The following APPL1 variants were observed in gnomAD, a reference collection of about 807,000 sequenced individuals.
APPL1 encodes DCC-interacting protein 13-alpha.
Under a neutral mutation model 106.8 loss-of-function variants are expected in APPL1, and 42 were observed. The observed-to-expected ratio is 0.39, with a 90% confidence interval of 0.31 to 0.51. APPL1 has a LOEUF of 0.51. APPL1 is among the 20% of genes least tolerant of loss of function. The probability of loss-of-function intolerance (pLI) is 0.75; values close to 1 mark genes in which losing one functional copy is unlikely to be tolerated. For missense variants in APPL1, 769 were observed against 858.2 expected, an observed-to-expected ratio of 0.90 and a Z score of 1.30; for synonymous variants, 263 against 281.8, an observed-to-expected ratio of 0.93 and a Z score of 0.67.
chr3:57,239,504 T>C (rs867470544), intron 4 of APPL1, among the ~76,000 whole-genome samples: 1 of 152,376 alleles, frequency 6.6e-6, no homozygotes, highest in South Asian at 2.1e-4. Context: ...GTTATGGATA[T>C]ACCAAGTTTT....
chr3:57,261,923 A>AATAG, intron 19 of APPL1, among the ~76,000 whole-genome samples: 1 of 152,200 alleles, frequency 6.6e-6, no homozygotes, highest in East Asian at 1.9e-4. Flanking sequence ...GCATTTCACC[A>AATAG]ACATCTGCTA....
chr3:57,268,049 C>T, intron 20 of APPL1: 1 of 532,692 alleles, frequency 1.9e-6, no homozygotes, highest in Non-Finnish European at 3.3e-6. Flanking sequence ...GCCGAGATCA[C>T]ACCACTGCAC....
In APPL1 at chr3:57,228,694, TATGTTTTCAGTACTGCAGA is replaced by T. The variant is rs2060667512; in HGVS notation, c.54+761_54+779del. On this transcript the variant is annotated intron_variant, in intron 1 of 21. Transcript: ENST00000288266. The surrounding 1 kb of genome is among the most constrained non-coding windows in gnomAD (Gnocchi z 4.6). Reference sequence around the variant, plus strand: ...AGTTTTGGAAAATGTAACCATTTAATATGTTTTCAGTACTGCAGAATGAAAGCAGCTATATTTTTTAAAA... The same window carrying T: ...AGTTTTGGAAAATGTAACCATTTAATATGAAAGCAGCTATATTTTTTAAAA... 1.3e-5 allele frequency among the ~76,000 whole-genome samples: 2 copies of T among 152,374 alleles called. No homozygotes were observed. The highest frequency in any genetic ancestry group is 4.8e-5 in the African/African-American group (2 of 41,592).
chr3:57,268,502 T>C lies in APPL1; in HGVS notation c.1983+15T>C. On this transcript the variant is annotated intron_variant, in intron 21 of 21. Coordinates refer to ENST00000288266, the MANE Select transcript of APPL1 (RefSeq NM_012096.3). ...AGATTGAAAAGGTATACAGTCCTAA[T>C]GTCTGGATCTTTATGTGTTGTTTGT... is the stretch of plus-strand genomic sequence containing the variant. 1.3e-6 allele frequency: 2 copies of C among 1,569,982 alleles called. No individual in the cohort carries two copies. Among genetic ancestry groups the C allele is most frequent in the South Asian group, 1.2e-5 (1 of 83,390 alleles).
Position 57,237,523 on chromosome 3 carries a change from C to A in APPL1, c.185C>A (p.Ser62Ter). Reference sequence around the variant, plus strand: ...TTAAGTGCAGCAACACACCTGACCTCAAAACTTTTAAAAGAATATGAAAAA... The same window carrying A: ...TTAAGTGCAGCAACACACCTGACCTAAAAACTTTTAAAAGAATATGAAAAA... ...NELSAATHLT[S>*]KLLKEYEKQR... Residue 62 changes from serine (S) to a stop codon, truncating the protein, a stop_gained, in exon 3 of 22, where the codon TCA becomes TAA. Coordinates refer to ENST00000288266, the MANE Select transcript of APPL1 (RefSeq NM_012096.3). LOFTEE classifies it high-confidence loss of function. 1 of 1,602,054 alleles carries A rather than the reference C, an allele frequency of 6.2e-7. No individual in the cohort carries two copies. The highest frequency in any genetic ancestry group is 1.1e-5 in the South Asian group (1 of 87,780).
chr3:57,231,083 T>A lies in APPL1; in HGVS notation c.54+3146T>A, dbSNP rs1391032438. Among the ~76,000 whole-genome samples the A allele has an allele frequency of 2.6e-5, 4 of 151,956 alleles. No individual in the cohort carries two copies. The South Asian group carries it at 8.3e-4, about 32-fold the overall frequency. On this transcript the variant is annotated intron_variant, in intron 1 of 21. Coordinates refer to ENST00000288266, the MANE Select transcript of APPL1 (RefSeq NM_012096.3). ...GACTGGGCGTGGTGGCTCATGCCTG[T>A]AATCTCAGCACTTTGGGAGGACGAG...
chr3:57,243,865 T>C (rs1208822051), intron 7 of APPL1, among the ~76,000 whole-genome samples: 1 of 152,210 alleles, frequency 6.6e-6, no homozygotes, highest in Non-Finnish European at 1.5e-5. Context: ...AACTTCATTT[T>C]ATTTAAAAAT....
rs774573236 is a variant in APPL1, at chr3:57,240,604, G to A, written c.373+52G>A. On this transcript the variant is annotated intron_variant, in intron 5 of 21. Coordinates refer to ENST00000288266, the MANE Select transcript of APPL1 (RefSeq NM_012096.3). ...TTCATTGGCTGTGAGATCAACACTT[G>A]TAAAATGCATATTACTCTGTACTTA... The A allele has an allele frequency of 2.6e-5, 38 of 1,450,128 alleles. No individual in the cohort carries two copies. In the South Asian group the frequency reaches 4.3e-4, roughly 17 times the overall value. 89.8% of individuals were successfully genotyped at this position (1,450,128 alleles called of 1,614,324 possible). A position where few individuals can be genotyped will look rare whatever the true frequency, so the allele number is the denominator to read the frequency against.
At chr3:57,258,883 T>G in intron 15 of APPL1, 145 bp from the exon 16 acceptor site, 11 of 571,428 alleles carry the variant, frequency 1.9e-5, no homozygotes, top group South Asian at 1.8e-4. Context: ...CATAGTAATT[T>G]AGTGATCAAT....
Position 57,235,680 on chromosome 3 carries a change from C to A in APPL1, c.153+16C>A. ...TGATGCACAGGTAAAACACTAAGGACTAACTTGATGCTTTTAAAACACGAA... is the reference window on the plus strand; with the variant it reads ...TGATGCACAGGTAAAACACTAAGGAATAACTTGATGCTTTTAAAACACGAA... On this transcript the variant is annotated intron_variant, in intron 2 of 21. Transcript: ENST00000288266. The A allele has an allele frequency of 3.8e-6, 6 of 1,575,188 alleles. No homozygotes were observed. Among genetic ancestry groups the A allele is most frequent in the Non-Finnish European group, 5.2e-6 (6 of 1,147,078 alleles).
At chr3:57,239,179 G>A (rs1474658092) in intron 4 of APPL1, among the ~76,000 whole-genome samples, 1 of 152,172 alleles carries the variant, frequency 6.6e-6, no homozygotes, top group Non-Finnish European at 1.5e-5. Flanking sequence ...CTGCCCCCAT[G>A]ATTCAGTTAT....
chr3:57,269,534 C>T lies in APPL1; in HGVS notation c.1984-7C>T. ...TAACTTAGTTTCTTTTTTGTCTTTT[C>T]CACTAGGACTTGGAAGAACAAAGTC... On this transcript the variant is annotated splice_region_variant and splice_polypyrimidine_tract_variant and intron_variant, in intron 21 of 21. Transcript: ENST00000288266. 4 of 1,609,092 alleles carry T rather than the reference C, an allele frequency of 2.5e-6. No individual in the cohort carries two copies. Among genetic ancestry groups the T allele is most frequent in the Admixed American group, 3.4e-5 (2 of 58,966 alleles).
At position 57,228,081 on chromosome 3, in the gene APPL1, C is replaced by G; in HGVS notation, c.54+144C>G. 1 of 685,426 alleles carries G rather than the reference C, an allele frequency of 1.5e-6. No homozygotes were observed. Among genetic ancestry groups the G allele is most frequent in the East Asian group, 4.0e-5 (1 of 24,904 alleles). The allele number at this position is 685,426 out of a possible 1,614,324, so 42.5% of individuals were successfully genotyped here. A position where few individuals can be genotyped will look rare whatever the true frequency, so the allele number is the denominator to read the frequency against. The stretch of plus-strand genomic sequence containing the variant: ...AGGTCACCGCCCGTCGCAGGCCGCG[C>G]CCGGAGTTGTGGAGGCTGGGCCCGC... On this transcript the variant is annotated intron_variant, in intron 1 of 21. Coordinates refer to ENST00000288266, the MANE Select transcript of APPL1 (RefSeq NM_012096.3). The surrounding 1 kb of genome is among the most constrained non-coding windows in gnomAD (Gnocchi z 4.6).
chr3:57,229,526 A>G (rs2060674527), intron 1 of APPL1, among the ~76,000 whole-genome samples: 1 of 150,066 alleles, frequency 6.7e-6, no homozygotes, highest in Non-Finnish European at 1.5e-5. Flanking sequence ...GTTTTACAAT[A>G]TATTTGTTTG....
In APPL1 at chr3:57,238,099, T is replaced by G; in HGVS notation, c.268T>G (p.Ser90Ala). The G allele has an allele frequency of 6.2e-7, 1 of 1,610,978 alleles. No homozygotes were observed. Among genetic ancestry groups the G allele is most frequent in the Non-Finnish European group, 8.5e-7 (1 of 1,178,812 alleles). ...EVMSSTLQQF[S>A]KVIDELSSCH... ...TATGAGCTCTACATTGCAACAGTTTTCAAAAGTTATAGATGAGGTAAACGT... is the reference window on the plus strand; with the variant it reads ...TATGAGCTCTACATTGCAACAGTTTGCAAAAGTTATAGATGAGGTAAACGT... Residue 90 changes from serine to alanine, a missense_variant, in exon 4 of 22, where the codon TCA becomes GCA. Physicochemically the swap from Ser to Ala is moderately conservative, Grantham distance 99 (BLOSUM62 1). Coordinates refer to ENST00000288266, the MANE Select transcript of APPL1 (RefSeq NM_012096.3).
intron 1 of APPL1, among the ~76,000 whole-genome samples, chr3:57,229,622 G>A (rs972810427): frequency 6.6e-6 from 1 of 151,018 alleles, no homozygotes; most frequent in African/African-American, 2.4e-5. Flanking sequence ...CTGTGTCCTG[G>A]AACACCTATG....
At chr3:57,246,364 GTCA>G in intron 8 of APPL1, 142 bp downstream of exon 8, 1 of 565,550 alleles carries the variant, frequency 1.8e-6, no homozygotes, top group Non-Finnish European at 2.7e-6. Flanking sequence ...TTTTTAAAAT[GTCA>G]TCAGACTATT....
rs1414008602 is a variant in APPL1, at chr3:57,272,377, C to T, written c.*2690C>T. 1 of 152,086 alleles carries T rather than the reference C, an allele frequency of 6.6e-6. No homozygotes were observed. Among genetic ancestry groups the T allele is most frequent in the East Asian group, 1.9e-4 (1 of 5,186 alleles). The allele number at this position is 152,086 out of a possible 1,614,324, so 9.4% of individuals were successfully genotyped here. ...GATTATTGTTTAATTTCAAAAGAAT[C>T]CTCAGGCTCTACAATCTAGGGGTGG... On this transcript the variant is annotated 3_prime_UTR_variant, in exon 22 of 22. Transcript: ENST00000288266.
At position 57,272,156 on chromosome 3, in the gene APPL1, A is replaced by G. The variant is rs983092426; in HGVS notation, c.*2469A>G. On this transcript the variant is annotated 3_prime_UTR_variant, in exon 22 of 22. Coordinates refer to ENST00000288266, the MANE Select transcript of APPL1 (RefSeq NM_012096.3). ...CTCCTTTTTAAAAAGAAAAGATATTAAGCCTGCCTACTTCTACAATGCATT... is the reference window on the plus strand; with the variant it reads ...CTCCTTTTTAAAAAGAAAAGATATTGAGCCTGCCTACTTCTACAATGCATT... 6.6e-6 allele frequency: 1 copy of G among 152,222 alleles called. No individual in the cohort carries two copies. Among genetic ancestry groups the G allele is most frequent in the Non-Finnish European group, 1.5e-5 (1 of 68,044 alleles). The allele number at this position is 152,222 out of a possible 1,614,324, so 9.4% of individuals were successfully genotyped here. A position where few individuals can be genotyped will look rare whatever the true frequency, so the allele number is the denominator to read the frequency against.
Sources: gnomAD v4.1 joint callset for allele counts (sites outside exome capture counted in the v4.1 genomes callset) on GRCh38, gnomAD v4.1.1 for gene constraint, Gnocchi (gnomAD v3.1) non-coding constraint, MANE v1.5 for transcripts, NCBI Gene and HGNC (gene_info 2026-07-23, HGNC 2026-07-21) for gene names.